Variants in PCDH11X observed in about 807,000 individuals in gnomAD.
PCDH11X encodes protocadherin-11 X-linked.
Under a neutral mutation model 53.3 loss-of-function variants are expected in PCDH11X, and 18 were observed. The ratio of observed to expected loss-of-function variants is 0.34; its 90% CI spans 0.23 to 0.50. The LOEUF is 0.50. Among genes scored for constraint, PCDH11X ranks in the 20% least tolerant of loss-of-function variants. The pLI is 0.98. For missense variants in PCDH11X, 570 were observed against 1,032.4 expected, an observed-to-expected ratio of 0.55 and a Z score of 6.14; for synonymous variants, 279 against 393.3, an observed-to-expected ratio of 0.71 and a Z score of 3.44.
At chrX:92,473,753 T>C (rs2073318298) in intron 10 of PCDH11X, among the ~76,000 whole-genome samples, 1 of 111,291 alleles carries the variant, frequency 9.0e-6, no homozygotes. Context: ...GAGTGTATGG[T>C]TTCCAAAATT....
At chrX:91,832,396 G>GTTTGC (rs1377976715) in intron 4 of PCDH11X, among the ~76,000 whole-genome samples, 1 of 103,785 alleles carries the variant, frequency 9.6e-6, no homozygotes, top group African/African-American at 3.5e-5. Context: ...TGCAAGGACA[G>GTTTGC]AAAACCAAAC....
intron 7 of PCDH11X, among the ~76,000 whole-genome samples, chrX:92,242,703 A>G (rs917079068): frequency 3.7e-4 from 41 of 111,508 alleles, no homozygotes; most frequent in Middle Eastern, 4.3e-3. Flanking sequence ...CAGAATGTCT[A>G]TACCACTTTA....
intron 6 of PCDH11X, among the ~76,000 whole-genome samples, chrX:91,946,686 T>G (rs2061580327): frequency 4.1e-5 from 4 of 96,774 alleles, no homozygotes; most frequent in Middle Eastern, 5.3e-3. Flanking sequence ...ATTTTTAAAA[T>G]TTAGCAGTAA....
intron 10 of PCDH11X, among the ~76,000 whole-genome samples, chrX:92,484,605 A>G (rs948707200): frequency 1.8e-5 from 2 of 110,185 alleles, no homozygotes; most frequent in Non-Finnish European, 3.8e-5. Context: ...ATTGGAGACC[A>G]TTATTCTAAG....
At chrX:92,187,202 A>C (rs1175386226) in intron 6 of PCDH11X, among the ~76,000 whole-genome samples, 1 of 111,415 alleles carries the variant, frequency 9.0e-6, no homozygotes, top group Non-Finnish European at 1.9e-5. Flanking sequence ...TTCCTTCTAT[A>C]GGCTCTAGAG....
At chrX:92,085,841 C>T (rs1372956646) in intron 6 of PCDH11X, among the ~76,000 whole-genome samples, 1 of 111,335 alleles carries the variant, frequency 9.0e-6, no homozygotes, top group Non-Finnish European at 1.9e-5. Flanking sequence ...TATGCCTATG[C>T]TGTCTAGTAC....
chrX:92,308,914 C>A (rs1347955324), intron 8 of PCDH11X, among the ~76,000 whole-genome samples: 1 of 109,480 alleles, frequency 9.1e-6, no homozygotes, highest in Non-Finnish European at 1.9e-5. Context: ...TAGAAAAATA[C>A]AAATTAAAAC....
chrX:92,607,459 G>C (rs913385017), intron 10 of PCDH11X, among the ~76,000 whole-genome samples: 6 of 111,459 alleles, frequency 5.4e-5, no homozygotes, highest in African/African-American at 2.0e-4. Context: ...AGATTGCTTA[G>C]GGCTCTGGAG....
intron 10 of PCDH11X, among the ~76,000 whole-genome samples, chrX:92,575,360 T>C (rs1046498766): frequency 1.8e-5 from 2 of 110,390 alleles, no homozygotes; most frequent in African/African-American, 6.5e-5. Context: ...TTTTAATTTT[T>C]AATAATTTTT....
chrX:92,202,523 TG>T (rs2066407641), intron 7 of PCDH11X, among the ~76,000 whole-genome samples: 1 of 111,299 alleles, frequency 9.0e-6, no homozygotes, highest in Admixed American at 9.6e-5. Flanking sequence ...CTGACATTCC[TG>T]GGGGAGAAGC....
intron 8 of PCDH11X, among the ~76,000 whole-genome samples, chrX:92,329,866 T>A (rs1302927691): frequency 1.8e-5 from 2 of 111,454 alleles, no homozygotes; most frequent in African/African-American, 6.5e-5. Flanking sequence ...GGATGGTTAA[T>A]GGGTACACAA....
chrX:91,792,042 T>C (rs1935570942), intron 1 of PCDH11X, among the ~76,000 whole-genome samples: 1 of 108,201 alleles, frequency 9.2e-6, no homozygotes, highest in Non-Finnish European at 1.9e-5. Flanking sequence ...TTTGTATTTT[T>C]AGTAGAGAGG....
intron 6 of PCDH11X, among the ~76,000 whole-genome samples, chrX:92,115,751 C>A (rs1294536829): frequency 9.1e-6 from 1 of 110,416 alleles, no homozygotes; most frequent in Non-Finnish European, 1.9e-5. Flanking sequence ...GAAGACTCAG[C>A]ATGTCGGCTT....
At chrX:92,089,632 C>T (rs2148116569) in intron 6 of PCDH11X, among the ~76,000 whole-genome samples, 1 of 106,860 alleles carries the variant, frequency 9.4e-6, no homozygotes, top group South Asian at 4.3e-4. Flanking sequence ...AAACGATTCT[C>T]CTGTCTCAGC....
intron 7 of PCDH11X, among the ~76,000 whole-genome samples, chrX:92,258,598 A>T (rs2067648138): frequency 1.8e-5 from 2 of 110,139 alleles, no homozygotes; most frequent in African/African-American, 6.6e-5. Context: ...CAATCTCCTG[A>T]CCTCGTGATC....
chrX:92,497,674 A>C (rs758218236), intron 10 of PCDH11X, among the ~76,000 whole-genome samples: 1 of 111,522 alleles, frequency 9.0e-6, no homozygotes, highest in South Asian at 3.7e-4. Context: ...AATCCTTCGA[A>C]GTATAAACTT....
At position 91,791,183 on chromosome X, in the gene PCDH11X, A is replaced by G. The variant is rs375491104; in HGVS notation, c.-379+11499A>G. Among the ~76,000 whole-genome samples, 4 of 111,164 alleles carry G rather than the reference A, an allele frequency of 3.6e-5. 1 individual carries two copies. The highest frequency in any genetic ancestry group is 6.5e-5 in the African/African-American group (2 of 30,585). ...TAACATTACTTAATAATGTTAAGCT[A>G]GTGCCCATGTGGGTATGAACCCCAA... On this transcript the variant is annotated intron_variant, in intron 1 of 10. Coordinates refer to ENST00000682573, the MANE Select transcript of PCDH11X (RefSeq NM_032968.5).
At chrX:92,235,268 C>G (rs957033322) in intron 7 of PCDH11X, among the ~76,000 whole-genome samples, 1 of 110,904 alleles carries the variant, frequency 9.0e-6, no homozygotes, top group African/African-American at 3.3e-5. Flanking sequence ...CCCTGAGATT[C>G]CCGGAGGCTT....
At chrX:92,281,834 G>A (rs146740818) in intron 8 of PCDH11X, among the ~76,000 whole-genome samples, 3,323 of 111,377 alleles carry the variant, frequency 0.03, 60 homozygotes, top group African/African-American at 0.07. Context: ...TCTAAAACAC[G>A]TTATGGTATA....
Sources: allele counts gnomAD v4.1 joint callset (sites outside exome capture counted in the v4.1 genomes callset), GRCh38; gene constraint gnomAD v4.1.1; transcripts MANE v1.5; gene names NCBI Gene and HGNC (gene_info 2026-07-23, HGNC 2026-07-21).